ARHGEF3: variants seen among roughly 807,000 people sequenced by gnomAD.
ARHGEF3 encodes the protein Rho guanine nucleotide exchange factor 3, also known as 59.8 kDA protein.
A neutral mutation model predicts 63.2 loss-of-function variants in ARHGEF3; 28 were observed. The observed-to-expected ratio is 0.44, with a 90% confidence interval of 0.33 to 0.61. The LOEUF (loss-of-function observed/expected upper bound fraction) is 0.61. ARHGEF3 is among the 20% of genes least tolerant of loss of function. The pLI, the probability that ARHGEF3 is intolerant of heterozygous loss-of-function variation, is 0.03. For synonymous variants in ARHGEF3, 266 were observed against 254.2 expected, an observed-to-expected ratio of 1.05 and a Z score of -0.44; for missense variants, 533 against 659.3, an observed-to-expected ratio of 0.81 and a Z score of 2.10.
At chr3:56,893,922 A>G (rs1205223859) in intron 3 of ARHGEF3, among the ~76,000 whole-genome samples, 3 of 151,858 alleles carry the variant, frequency 2.0e-5, no homozygotes, top group East Asian at 3.9e-4. Flanking sequence ...AAGTTATTAC[A>G]TATAAGGAAA....
intron 1 of ARHGEF3, among the ~76,000 whole-genome samples, chr3:56,781,242 TC>T (rs1304472416): frequency 7.5e-6 from 1 of 133,952 alleles, no homozygotes; most frequent in Non-Finnish European, 1.5e-5. Flanking sequence ...TTTTCTTTTG[TC>T]TTTTTTTTTT....
chr3:56,789,985 T>C (rs1335885267), intron 1 of ARHGEF3, among the ~76,000 whole-genome samples: 1 of 152,236 alleles, frequency 6.6e-6, no homozygotes, highest in Non-Finnish European at 1.5e-5. Flanking sequence ...TTTGTCTTTA[T>C]AAGATTTGAG....
At chr3:56,787,537 C>A (rs2036882853) in intron 1 of ARHGEF3, among the ~76,000 whole-genome samples, 1 of 152,060 alleles carries the variant, frequency 6.6e-6, no homozygotes, top group Non-Finnish European at 1.5e-5. Flanking sequence ...CTATGCCATA[C>A]AGCAACCCCG....
At chr3:57,030,117 C>T (rs1357634741) in intron 2 of ARHGEF3, among the ~76,000 whole-genome samples, 2 of 152,326 alleles carry the variant, frequency 1.3e-5, no homozygotes, top group Non-Finnish European at 2.9e-5. Flanking sequence ...TGAAAACTGC[C>T]TGCAGCGCTG....
chr3:56,998,280 C>A (rs1702067619), intron 2 of ARHGEF3, among the ~76,000 whole-genome samples: 1 of 152,066 alleles, frequency 6.6e-6, no homozygotes, highest in African/African-American at 2.4e-5. Context: ...CAGAAAGAGG[C>A]CCTCCACTCA....
intron 4 of ARHGEF3, among the ~76,000 whole-genome samples, chr3:56,812,617 T>A (rs1446359466): frequency 6.6e-6 from 1 of 152,266 alleles, no homozygotes; most frequent in Non-Finnish European, 1.5e-5. Flanking sequence ...TGCTCACACC[T>A]AATGCCATTT....
intron 4 of ARHGEF3, among the ~76,000 whole-genome samples, chr3:56,879,195 G>A (rs2040688900): frequency 6.6e-6 from 1 of 152,166 alleles, no homozygotes; most frequent in African/African-American, 2.4e-5. Flanking sequence ...TAAAGTGCTT[G>A]AATCATCCTG....
chr3:56,888,164 T>C (rs1452125454), intron 3 of ARHGEF3, among the ~76,000 whole-genome samples: 2 of 151,872 alleles, frequency 1.3e-5, no homozygotes, highest in African/African-American at 4.8e-5. Flanking sequence ...CACAGACATG[T>C]TAAAAGAAAT....
At chr3:56,806,107 T>C (rs897542095), upstream of ARHGEF3, among the ~76,000 whole-genome samples, 1 of 152,236 alleles carries the variant, frequency 6.6e-6, no homozygotes, top group Non-Finnish European at 1.5e-5. Context: ...GGAGTATTTC[T>C]GACCTCATGC....
intron 1 of ARHGEF3, among the ~76,000 whole-genome samples, chr3:57,059,882 G>A (rs1273233457): frequency 6.6e-6 from 1 of 152,142 alleles, no homozygotes; most frequent in East Asian, 1.9e-4. Flanking sequence ...TGTAATCCCA[G>A]CTACTCGGGA....
intron 6 of ARHGEF3, among the ~76,000 whole-genome samples, chr3:56,747,318 C>T (rs2034451099): frequency 6.6e-6 from 1 of 152,214 alleles, no homozygotes; most frequent in African/African-American, 2.4e-5. Context: ...CCACTGCTCC[C>T]TGTGATCCTG....
At chr3:56,826,951 C>T (rs1559972558) in intron 4 of ARHGEF3, among the ~76,000 whole-genome samples, 1 of 151,662 alleles carries the variant, frequency 6.6e-6, no homozygotes, top group East Asian at 1.9e-4. Context: ...TTTTTTTTCA[C>T]ATTGTATACC....
At chr3:56,947,172 C>T (rs1483664868) in intron 3 of ARHGEF3, among the ~76,000 whole-genome samples, 1 of 152,182 alleles carries the variant, frequency 6.6e-6, no homozygotes, top group Non-Finnish European at 1.5e-5. Flanking sequence ...ACTGCAAAAA[C>T]ATGCCAAATT....
At chr3:57,012,203 T>G (rs1009089334) in intron 2 of ARHGEF3, among the ~76,000 whole-genome samples, 1 of 152,170 alleles carries the variant, frequency 6.6e-6, no homozygotes, top group Non-Finnish European at 1.5e-5. Flanking sequence ...TGGCCAACAT[T>G]CATTCAGCAC....
chr3:56,815,769 C>T (rs2038247316), intron 4 of ARHGEF3, among the ~76,000 whole-genome samples: 3 of 152,202 alleles, frequency 2.0e-5, no homozygotes, highest in Non-Finnish European at 4.4e-5. Flanking sequence ...TCCTACAGGC[C>T]TGTTATGACT....
chr3:56,808,358 G>T (rs757073019), intron 4 of ARHGEF3, among the ~76,000 whole-genome samples: 3 of 152,146 alleles, frequency 2.0e-5, no homozygotes, highest in Non-Finnish European at 4.4e-5. Context: ...GAAGCAGGAG[G>T]ATTGCTTGAG....
intron 7 of ARHGEF3, among the ~76,000 whole-genome samples, chr3:56,739,707 T>C (rs1372011022): frequency 6.6e-6 from 1 of 152,062 alleles, no homozygotes; most frequent in Non-Finnish European, 1.5e-5. Context: ...GCCAAGTGAT[T>C]ATTTTTTCAT....
At chr3:57,032,561 C>T (rs75369518) in intron 2 of ARHGEF3, among the ~76,000 whole-genome samples, 2,232 of 152,286 alleles carry the variant, frequency 0.015, 81 homozygotes, top group African/African-American at 0.051. Context: ...GAATACGTTT[C>T]TGTCTGTTAC....
intron 1 of ARHGEF3, among the ~76,000 whole-genome samples, chr3:57,040,474 C>CAAAAGAAAAG (rs145206230): frequency 4.8e-5 from 7 of 144,636 alleles, no homozygotes; most frequent in East Asian, 2.0e-4. Flanking sequence ...AAGACTCCGT[C>CAAAAGAAAAG]AAAAGAAAAG....
Sources: allele counts gnomAD v4.1 joint callset (sites outside exome capture counted in the v4.1 genomes callset), GRCh38; gene constraint gnomAD v4.1.1; transcripts MANE v1.5; gene names NCBI Gene and HGNC (gene_info 2026-07-23, HGNC 2026-07-21).